SGCD: variants seen among roughly 807,000 people sequenced by gnomAD.
SGCD encodes the protein sarcoglycan delta, also known as delta-sarcoglycan.
SGCD carries 18 observed loss-of-function variants against 36.6 expected under a neutral mutation model. That is an observed-to-expected ratio of 0.49 (90% confidence interval 0.34 to 0.73). The LOEUF is 0.73. Among genes scored for constraint, SGCD ranks in the 30% least tolerant of loss-of-function variants. The probability of loss-of-function intolerance (pLI) is 0.01; values close to 1 mark genes in which losing one functional copy is unlikely to be tolerated. For synonymous variants in SGCD, 133 were observed against 130.6 expected (o/e 1.02, Z -0.12); for missense variants, 387 against 346.7 (o/e 1.12, Z -0.92).
chr5:156,283,134 C>A (rs1317793496), intron 3 of SGCD, among the ~76,000 whole-genome samples: 1 of 152,076 alleles, frequency 6.6e-6, no homozygotes, highest in Non-Finnish European at 1.5e-5. Context: ...GGATGTTTAA[C>A]TAATGAGAAA....
intron 3 of SGCD, among the ~76,000 whole-genome samples, chr5:156,477,628 G>A (rs79303017): frequency 0.021 from 3,112 of 149,684 alleles, 35 homozygotes; most frequent in Non-Finnish European, 0.032. Flanking sequence ...TTGCCTTGAT[G>A]GCAACAATAG....
intron 4 of SGCD, among the ~76,000 whole-genome samples, chr5:156,580,635 T>G (rs1760214124): frequency 6.6e-6 from 1 of 152,204 alleles, no homozygotes; most frequent in Non-Finnish European, 1.5e-5. Flanking sequence ...TCTTCTTGCT[T>G]ATTTCATTAA....
At chr5:156,520,299 C>G (rs1002928974) in intron 4 of SGCD, among the ~76,000 whole-genome samples, 1 of 152,136 alleles carries the variant, frequency 6.6e-6, no homozygotes, top group Non-Finnish European at 1.5e-5. Flanking sequence ...CCTAGGAATA[C>G]AGCTAACAAG....
chr5:156,208,748 T>G (rs1764357053), intron 3 of SGCD, among the ~76,000 whole-genome samples: 4 of 152,204 alleles, frequency 2.6e-5, no homozygotes, highest in Admixed American at 1.3e-4. Context: ...CTGGTGCTCT[T>G]AGTTCCGTAA....
At chr5:156,350,324 G>T (rs1224199723) in intron 3 of SGCD, among the ~76,000 whole-genome samples, 1 of 144,864 alleles carries the variant, frequency 6.9e-6, no homozygotes, top group East Asian at 2.1e-4. Context: ...TTGTATGTTT[G>T]GTTTGTTCAA....
chr5:155,731,784 C>T, the SGCD span, among the ~76,000 whole-genome samples: 2 of 152,156 alleles, frequency 1.3e-5, no homozygotes, highest in African/African-American at 4.8e-5. Flanking sequence ...GACCCACTCC[C>T]CTGGGAGCCT....
chr5:156,510,781 GA>G (rs201121772), intron 4 of SGCD, among the ~76,000 whole-genome samples: 1,775 of 152,274 alleles, frequency 0.012, 13 homozygotes, highest in Non-Finnish European at 0.018. Flanking sequence ...TAGATTTTAA[GA>G]ACATAAGAAG....
chr5:155,749,289 AAC>A, the SGCD span, among the ~76,000 whole-genome samples: 1 of 152,160 alleles, frequency 6.6e-6, no homozygotes. Flanking sequence ...CAATTACTAA[AAC>A]ACATGCTACT....
At chr5:156,641,546 C>T (rs1034749617) in intron 6 of SGCD, among the ~76,000 whole-genome samples, 1 of 152,126 alleles carries the variant, frequency 6.6e-6, no homozygotes, top group Non-Finnish European at 1.5e-5. Context: ...CTTGCTCCTT[C>T]CTAAGAAAAA....
chr5:156,479,274 T>C (rs1755325459), intron 3 of SGCD, among the ~76,000 whole-genome samples: 1 of 151,954 alleles, frequency 6.6e-6, no homozygotes, highest in African/African-American at 2.4e-5. Flanking sequence ...TTTTGTACTT[T>C]TAGTAGAGAC....
rs2113176852 is a variant in SGCD at position 156,757,580 on chromosome 5, G to C, written c.576-1G>C. On this transcript the variant is annotated splice_acceptor_variant, in intron 7 of 8. Transcript: ENST00000337851. LOFTEE classifies it high-confidence loss of function. ...TATTGACGATCTTGGGTGTTTTTCAGGTTGGAGTCCCCAACCCGGTCTCTA... is the reference window on the plus strand; with the variant it reads ...TATTGACGATCTTGGGTGTTTTTCACGTTGGAGTCCCCAACCCGGTCTCTA... 1 of 1,593,132 alleles carries C rather than the reference G, an allele frequency of 6.3e-7. No homozygotes were observed. The highest frequency in any genetic ancestry group is 1.7e-5 in the Admixed American group (1 of 58,028).
the SGCD span, among the ~76,000 whole-genome samples, chr5:155,783,118 T>C: frequency 6.6e-6 from 1 of 152,256 alleles, no homozygotes; most frequent in South Asian, 2.1e-4. Context: ...TAAGTATCTA[T>C]TTTTCTGAAG....
At chr5:156,706,635 G>C (rs1040614497) in intron 7 of SGCD, among the ~76,000 whole-genome samples, 6 of 152,084 alleles carry the variant, frequency 3.9e-5, no homozygotes, top group Non-Finnish European at 8.8e-5. Flanking sequence ...CCTGGGAAGA[G>C]GGTAGAGAAT....
intron 3 of SGCD, among the ~76,000 whole-genome samples, chr5:156,156,994 G>A (rs1316505110): frequency 6.6e-6 from 1 of 151,508 alleles, no homozygotes; most frequent in Non-Finnish European, 1.5e-5. Context: ...GTTAAAGCAG[G>A]CTCAAAGATT....
intron 3 of SGCD, among the ~76,000 whole-genome samples, chr5:156,426,518 GTC>G (rs1773677848): frequency 6.6e-6 from 1 of 151,954 alleles, no homozygotes; most frequent in African/African-American, 2.4e-5. Flanking sequence ...ACTCTAGGTT[GTC>G]TCTTTGCTGA....
chr5:156,068,472 A>G (rs1227754415), intron 1 of SGCD, among the ~76,000 whole-genome samples: 1 of 152,016 alleles, frequency 6.6e-6, no homozygotes, highest in Non-Finnish European at 1.5e-5. Context: ...TTATGGCTGC[A>G]TAGTATTCCA....
chr5:155,880,254 T>G (rs1031669870), intron 1 of SGCD, among the ~76,000 whole-genome samples: 1 of 152,208 alleles, frequency 6.6e-6, no homozygotes, highest in African/African-American at 2.4e-5. Context: ...AGATAGTGCT[T>G]GGCACACTGC....
intron 3 of SGCD, among the ~76,000 whole-genome samples, chr5:156,219,744 A>G (rs1581175833): frequency 6.6e-6 from 1 of 152,334 alleles, no homozygotes; most frequent in East Asian, 1.9e-4. Context: ...CAGTTGACTC[A>G]GTGACAGCTG....
the SGCD span, among the ~76,000 whole-genome samples, chr5:155,769,495 G>A: frequency 6.6e-6 from 1 of 151,738 alleles, no homozygotes; most frequent in Non-Finnish European, 1.5e-5. Flanking sequence ...ACATGCCAGA[G>A]GATACAAGTT....
Sources: allele counts gnomAD v4.1 joint callset (sites outside exome capture counted in the v4.1 genomes callset), GRCh38; gene constraint gnomAD v4.1.1; transcripts MANE v1.5; gene names NCBI Gene and HGNC (gene_info 2026-07-23, HGNC 2026-07-21).